TDRD3: variants seen among roughly 807,000 people sequenced by gnomAD.
TDRD3 encodes tudor domain-containing protein 3.
TDRD3 carries 45 observed loss-of-function variants against 86.7 expected under a neutral mutation model. The observed-to-expected ratio is 0.52, with a 90% CI of 0.41 to 0.67. The LOEUF is 0.67. Among genes scored for constraint, TDRD3 ranks in the 30% least tolerant of loss-of-function variants. The pLI, the probability that TDRD3 is intolerant of heterozygous loss-of-function variation, is 0.00. For missense variants in TDRD3, 814 were observed against 889.0 expected, an observed-to-expected ratio of 0.92 and a Z score of 1.07; for synonymous variants, 298 against 301.7, an observed-to-expected ratio of 0.99 and a Z score of 0.13.
At chr13:60,510,059 A>G in intron 9 of TDRD3, 140 bp downstream of exon 9, 1 of 937,606 alleles carries the variant, frequency 1.1e-6, no homozygotes, top group Non-Finnish European at 1.5e-6. Context: ...CAGTTTGGGA[A>G]CCATAGAGAC....
chr13:60,457,899 C>A (rs1465198390), intron 3 of TDRD3, among the ~76,000 whole-genome samples: 1 of 152,120 alleles, frequency 6.6e-6, no homozygotes, highest in African/African-American at 2.4e-5. Context: ...CTTCTAAGGA[C>A]ACTCGTCATT....
At chr13:60,448,038 G>T (rs1213322326) in intron 3 of TDRD3, among the ~76,000 whole-genome samples, 2 of 152,128 alleles carry the variant, frequency 1.3e-5, no homozygotes, top group Admixed American at 1.3e-4. Flanking sequence ...TAGATTAAAG[G>T]AGTGTAGAGA....
chr13:60,425,496 T>A (rs1954778899), intron 1 of TDRD3, among the ~76,000 whole-genome samples: 1 of 152,116 alleles, frequency 6.6e-6, no homozygotes. Flanking sequence ...GACCTAGCAA[T>A]CCCTATTCTG....
chr13:60,415,953 C>T (rs977648311), intron 1 of TDRD3, among the ~76,000 whole-genome samples: 9 of 152,054 alleles, frequency 5.9e-5, no homozygotes, highest in South Asian at 2.1e-4. Flanking sequence ...TCTGGTTGGC[C>T]GTCAGTGTCC....
At chr13:60,565,366 T>C (rs1007053914) in intron 12 of TDRD3, among the ~76,000 whole-genome samples, 21 of 152,116 alleles carry the variant, frequency 1.4e-4, no homozygotes, top group South Asian at 2.1e-4. Context: ...TCAGTATCTT[T>C]TTTACTTTTT....
At chr13:60,427,682 CTTA>C (rs1954847657) in intron 1 of TDRD3, among the ~76,000 whole-genome samples, 1 of 152,078 alleles carries the variant, frequency 6.6e-6, no homozygotes, top group Non-Finnish European at 1.5e-5. Context: ...TTTGTATTTT[CTTA>C]TTTATAGACT....
intron 12 of TDRD3, among the ~76,000 whole-genome samples, chr13:60,541,239 C>T (rs1957803661): frequency 6.6e-6 from 1 of 151,702 alleles, no homozygotes; most frequent in African/African-American, 2.4e-5. Flanking sequence ...ACGATCTTGG[C>T]TCAGTGCAAC....
intron 5 of TDRD3, among the ~76,000 whole-genome samples, chr13:60,468,638 T>C (rs532742095): frequency 6.6e-6 from 1 of 152,224 alleles, no homozygotes; most frequent in East Asian, 1.9e-4. Flanking sequence ...CTCCTAGTAG[T>C]CTTTATAAGG....
At chr13:60,451,776 G>A in intron 3 of TDRD3, among the ~76,000 whole-genome samples, 1 of 152,048 alleles carries the variant, frequency 6.6e-6, no homozygotes. Flanking sequence ...TGTGGCACTT[G>A]ATCAAAATTT....
chr13:60,477,150 G>C (rs952852599), intron 5 of TDRD3, among the ~76,000 whole-genome samples: 3 of 151,674 alleles, frequency 2.0e-5, no homozygotes, highest in Non-Finnish European at 2.9e-5. Flanking sequence ...GAATGCTTCA[G>C]CTTTTGCCTG....
At chr13:60,412,422 T>A (rs1480551158) in intron 1 of TDRD3, among the ~76,000 whole-genome samples, 1 of 152,166 alleles carries the variant, frequency 6.6e-6, no homozygotes, top group Non-Finnish European at 1.5e-5. Context: ...AATCTTACGT[T>A]TGTAAGGACT....
intron 4 of TDRD3, 186 bp downstream of exon 4, chr13:60,460,726 C>A: frequency 1.9e-6 from 1 of 517,022 alleles, no homozygotes; most frequent in Non-Finnish European, 3.1e-6. Context: ...AATATATGGC[C>A]AGGCGTGGTG....
At chr13:60,498,447 C>T (rs1346476752) in intron 8 of TDRD3, among the ~76,000 whole-genome samples, 1 of 152,136 alleles carries the variant, frequency 6.6e-6, no homozygotes, top group Admixed American at 6.5e-5. Context: ...TCAGAATATT[C>T]TGACTTGTGT....
At chr13:60,541,146 ATTCTTTCT>A (rs138633350) in intron 12 of TDRD3, among the ~76,000 whole-genome samples, 3,126 of 149,906 alleles carry the variant, frequency 0.021, 98 homozygotes, top group African/African-American at 0.07. Context: ...TTGTTTTTCT[ATTCTTTCT>A]TTCTTTCTTT....
intron 3 of TDRD3, among the ~76,000 whole-genome samples, chr13:60,448,667 T>C (rs1955463354): frequency 6.6e-6 from 1 of 152,140 alleles, no homozygotes. Context: ...AGCCATATTA[T>C]GCAACTTATT....
intron 8 of TDRD3, among the ~76,000 whole-genome samples, chr13:60,498,252 G>A (rs932233173): frequency 1.3e-5 from 2 of 152,100 alleles, no homozygotes; most frequent in East Asian, 3.9e-4. Context: ...CTTTGAAGAT[G>A]CCCTGTAATT....
At chr13:60,451,063 A>G (rs530487046) in intron 3 of TDRD3, among the ~76,000 whole-genome samples, 17 of 152,374 alleles carry the variant, frequency 1.1e-4, no homozygotes, top group Admixed American at 6.5e-4. Context: ...AAAGCTTGAC[A>G]GATCTTGACT....
At chr13:60,552,014 G>C (rs1382279648) in intron 12 of TDRD3, among the ~76,000 whole-genome samples, 1 of 152,246 alleles carries the variant, frequency 6.6e-6, no homozygotes, top group African/African-American at 2.4e-5. Context: ...GGGACACAGA[G>C]CCAAACCATA....
At chr13:60,526,568 AAAT>A (rs1239370573) in intron 10 of TDRD3, among the ~76,000 whole-genome samples, 1 of 152,096 alleles carries the variant, frequency 6.6e-6, no homozygotes, top group Admixed American at 6.6e-5. Context: ...GCATTTGTTA[AAAT>A]AAGACATTGT....
Sources: allele counts gnomAD v4.1 joint callset (sites outside exome capture counted in the v4.1 genomes callset), GRCh38; gene constraint gnomAD v4.1.1; transcripts MANE v1.5; gene names NCBI Gene and HGNC (gene_info 2026-07-23, HGNC 2026-07-21).